PAPSS1: variants seen among roughly 807,000 people sequenced by gnomAD.
PAPSS1 encodes the protein bifunctional 3'-phosphoadenosine 5'-phosphosulfate synthase 1.
In PAPSS1, 50 loss-of-function variants were observed where a neutral mutation model predicts 72.0. The observed-to-expected ratio is 0.69, with a 90% CI of 0.55 to 0.88. The LOEUF is 0.88. Among genes scored for constraint, PAPSS1 ranks in the 40% least tolerant of loss-of-function variants. PAPSS1 has a pLI of 0.00. For synonymous variants in PAPSS1, 261 were observed against 263.6 expected (o/e 0.99, Z 0.09); for missense variants, 657 against 782.2 (o/e 0.84, Z 1.91).
At chr4:107,658,577 T>G (rs535005538) in intron 6 of PAPSS1, among the ~76,000 whole-genome samples, 15 of 152,292 alleles carry the variant, frequency 9.8e-5, no homozygotes, top group African/African-American at 2.9e-4. Flanking sequence ...GCAGTGGCTC[T>G]CCAATGAGAA....
intron 11 of PAPSS1, among the ~76,000 whole-genome samples, chr4:107,625,316 C>T (rs1042356327): frequency 1.3e-5 from 2 of 152,152 alleles, no homozygotes; most frequent in Non-Finnish European, 2.9e-5. Flanking sequence ...CTTAAAACAG[C>T]AAAATTATCT....
chr4:107,698,656 C>A (rs1009098820), intron 2 of PAPSS1, among the ~76,000 whole-genome samples: 2 of 152,236 alleles, frequency 1.3e-5, no homozygotes, highest in African/African-American at 4.8e-5. Flanking sequence ...CACAGAAAAA[C>A]CTAAACTGTA....
intron 1 of PAPSS1, among the ~76,000 whole-genome samples, chr4:107,704,186 G>A (rs1723278707): frequency 6.6e-6 from 1 of 152,088 alleles, no homozygotes; most frequent in South Asian, 2.1e-4. Flanking sequence ...CTTTTCTAAT[G>A]TTGAGTTTGT....
chr4:107,649,032 A>G (rs932862464), intron 9 of PAPSS1, among the ~76,000 whole-genome samples: 1 of 152,228 alleles, frequency 6.6e-6, no homozygotes, highest in Non-Finnish European at 1.5e-5. Context: ...AAACACTTCC[A>G]AATTAAAGTA....
chr4:107,651,101 C>G (rs928404421), intron 9 of PAPSS1, among the ~76,000 whole-genome samples: 3 of 152,186 alleles, frequency 2.0e-5, no homozygotes, highest in Admixed American at 1.3e-4. Context: ...CCAAGTATAG[C>G]ACTCAAAGAA....
intron 3 of PAPSS1, among the ~76,000 whole-genome samples, chr4:107,687,456 G>A (rs1489847597): frequency 1.3e-5 from 2 of 152,148 alleles, no homozygotes; most frequent in Non-Finnish European, 2.9e-5. Flanking sequence ...CAAATTCTAC[G>A]TGGATCCTGA....
intron 7 of PAPSS1, among the ~76,000 whole-genome samples, chr4:107,655,930 T>C (rs1726994850): frequency 6.6e-6 from 1 of 152,240 alleles, no homozygotes; most frequent in African/African-American, 2.4e-5. Context: ...TGTTTTCTAA[T>C]ATCTATTTCA....
At chr4:107,661,597 T>C (rs1013195328) in intron 5 of PAPSS1, among the ~76,000 whole-genome samples, 6 of 152,202 alleles carry the variant, frequency 3.9e-5, no homozygotes, top group African/African-American at 1.4e-4. Flanking sequence ...ACAGACTATA[T>C]GATTCCAACT....
chr4:107,639,239 A>G (rs1179820588), intron 10 of PAPSS1, among the ~76,000 whole-genome samples: 1 of 152,218 alleles, frequency 6.6e-6, no homozygotes, highest in Non-Finnish European at 1.5e-5. Context: ...TCCTAATGAA[A>G]TAAGTTCAGT....
At chr4:107,648,251 G>C (rs1345414670) in intron 9 of PAPSS1, among the ~76,000 whole-genome samples, 4 of 152,170 alleles carry the variant, frequency 2.6e-5, no homozygotes, top group African/African-American at 9.7e-5. Flanking sequence ...GTGTGACAAG[G>C]AAGGAAATGA....
intron 1 of PAPSS1, among the ~76,000 whole-genome samples, chr4:107,706,394 G>T (rs1458286004): frequency 6.6e-6 from 1 of 151,956 alleles, no homozygotes; most frequent in Non-Finnish European, 1.5e-5. Context: ...CTTGATCAGT[G>T]CTTCTATGGA....
intron 3 of PAPSS1, among the ~76,000 whole-genome samples, chr4:107,689,176 C>A (rs1722857652): frequency 6.6e-6 from 1 of 152,194 alleles, no homozygotes; most frequent in Non-Finnish European, 1.5e-5. Flanking sequence ...CAAATCTGAC[C>A]ATCCTACTGA....
rs573564334 is a variant in PAPSS1, at chr4:107,715,309, GC to G, written c.60+4810del. ...ATTGCTGTTATTGGTAGAAGTTTAA[GC>G]TTCCCTTTTCATCAGGCAATTTTTT... is the stretch of plus-strand genomic sequence containing the variant. On this transcript the variant is annotated intron_variant, in intron 1 of 11. Transcript: ENST00000265174. 1.1e-3 allele frequency among the ~76,000 whole-genome samples: 166 copies of G among 152,326 alleles called. 1 individual carries two copies. Among genetic ancestry groups the G allele is most frequent in the African/African-American group, 3.6e-3 (151 of 41,568 alleles).
chr4:107,649,351 T>C (rs1308917593), intron 9 of PAPSS1, among the ~76,000 whole-genome samples: 2 of 152,260 alleles, frequency 1.3e-5, no homozygotes, highest in Non-Finnish European at 2.9e-5. Flanking sequence ...AGCTCCCACC[T>C]GGCTTCAGAA....
chr4:107,701,974 T>C (rs1271928390), intron 1 of PAPSS1, among the ~76,000 whole-genome samples: 1 of 46,466 alleles, frequency 2.2e-5, no homozygotes, highest in African/African-American at 4.2e-5. Flanking sequence ...CCAAAGCTGC[T>C]TCAAAAAAAA....
intron 6 of PAPSS1, among the ~76,000 whole-genome samples, 191 bp from the exon 7 acceptor site, chr4:107,657,198 C>T (rs890991245): frequency 6.6e-6 from 1 of 152,124 alleles, no homozygotes; most frequent in African/African-American, 2.4e-5. Flanking sequence ...ATTTAAATAA[C>T]ATTAGGCCTC....
chr4:107,704,725 C>T (rs1026319490), intron 1 of PAPSS1, among the ~76,000 whole-genome samples: 8 of 152,036 alleles, frequency 5.3e-5, no homozygotes, highest in South Asian at 2.1e-4. Flanking sequence ...CCGAGGCAGG[C>T]GGATCACCTG....
chr4:107,629,993 C>T (rs1247053154), intron 11 of PAPSS1, among the ~76,000 whole-genome samples: 1 of 152,148 alleles, frequency 6.6e-6, no homozygotes, highest in Non-Finnish European at 1.5e-5. Flanking sequence ...CCTAATTTGG[C>T]TCTTTCTGGC....
chr4:107,681,813 G>C (rs1722622414), intron 5 of PAPSS1, among the ~76,000 whole-genome samples: 1 of 152,106 alleles, frequency 6.6e-6, no homozygotes, highest in East Asian at 1.9e-4. Context: ...TACTGACGGG[G>C]ATATTTCACA....
Sources: allele counts gnomAD v4.1 joint callset (sites outside exome capture counted in the v4.1 genomes callset), GRCh38; gene constraint gnomAD v4.1.1; transcripts MANE v1.5; gene names NCBI Gene and HGNC (gene_info 2026-07-23, HGNC 2026-07-21).